Variants in TJP3 observed in about 807,000 individuals in gnomAD.
The protein encoded by TJP3 is tight junction protein ZO-3.
Under a neutral mutation model 104.2 loss-of-function variants are expected in TJP3, and 85 were observed. The ratio of observed to expected loss-of-function variants is 0.82; its 90% CI spans 0.68 to 0.98. The LOEUF (loss-of-function observed/expected upper bound fraction) is 0.98, where lower values mean the gene tolerates loss of function less well. Among genes scored for constraint, TJP3 ranks in the 50% least tolerant of loss-of-function variants. TJP3 has a pLI of 0.00. For missense variants in TJP3, 1,367 were observed against 1,322.8 expected, an observed-to-expected ratio of 1.03 and a Z score of -0.52; for synonymous variants, 550 against 550.6, an observed-to-expected ratio of 1.00 and a Z score of 0.02.
chr19:3,734,573 A>C (rs1599155360), intron 8 of TJP3, 138 bp downstream of exon 8: 4 of 756,906 alleles, frequency 5.3e-6, no homozygotes. Context: ...GCCTCAAAAT[A>C]CCTCCAGCCT....
chr19:3,735,495 G>A (rs1161769886), intron 8 of TJP3, 71 bp from the exon 9 acceptor site: 4 of 1,500,514 alleles, frequency 2.7e-6, no homozygotes, highest in Non-Finnish European at 2.8e-6. Flanking sequence ...CACCGTGCCC[G>A]GCCTAAAATT....
In TJP3 at chr19:3,743,066, T is replaced by A. The variant is rs2036844189; in HGVS notation, c.1844-873T>A. On this transcript the variant is annotated intron_variant, in intron 14 of 20. Coordinates refer to ENST00000541714, the MANE Select transcript of TJP3 (RefSeq NM_001267560.2). Reference sequence around the variant, plus strand: ...GGATCACGAGGTCAGGAGTTCGAGATCAGCTTGACCAACATGGTGAAACCC... The same window carrying A: ...GGATCACGAGGTCAGGAGTTCGAGAACAGCTTGACCAACATGGTGAAACCC... Among the ~76,000 whole-genome samples, 3 of 150,608 alleles carry A rather than the reference T, an allele frequency of 2.0e-5. No homozygotes were observed. The South Asian group carries it at 6.3e-4, about 32-fold the overall frequency.
intron 1 of TJP3, among the ~76,000 whole-genome samples, chr19:3,716,535 C>A (rs757104234): frequency 6.8e-6 from 1 of 147,800 alleles, no homozygotes; most frequent in East Asian, 2.0e-4. Flanking sequence ...AGTGGGCGCA[C>A]GAGTGTTGTG....
chr19:3,744,789 ATGG>A (rs1156244135), intron 15 of TJP3, among the ~76,000 whole-genome samples: 1 of 146,610 alleles, frequency 6.8e-6, no homozygotes, highest in Non-Finnish European at 1.5e-5. Flanking sequence ...TTAGCTGGAC[ATGG>A]TGGCGCATGC....
chr19:3,724,485 G>C (rs1455569336), intron 1 of TJP3, among the ~76,000 whole-genome samples: 1 of 152,174 alleles, frequency 6.6e-6, no homozygotes, highest in Non-Finnish European at 1.5e-5. Flanking sequence ...ATGAGCCACT[G>C]TGCCCGGGCA....
At chr19:3,750,115 C>T (rs752648802) in intron 19 of TJP3, 23 bp from the exon 20 acceptor site, 1 of 1,614,020 alleles carries the variant, frequency 6.2e-7, no homozygotes, top group Non-Finnish European at 8.5e-7. Flanking sequence ...AGTTTTGAAG[C>T]TCCTCTCTCC....
intron 19 of TJP3, among the ~76,000 whole-genome samples, chr19:3,748,848 CTTTTT>C (rs71166925): frequency 1.0e-4 from 5 of 48,838 alleles, no homozygotes; most frequent in Non-Finnish European, 1.8e-4. Flanking sequence ...TGCACCCGGC[CTTTTT>C]TTTTTTTTTT....
chr19:3,716,165 C>T lies in TJP3; in HGVS notation c.-10+7604C>T, dbSNP rs144596839. 2.6e-3 allele frequency among the ~76,000 whole-genome samples: 380 copies of T among 144,312 alleles called. 17 individuals carry two copies. Among genetic ancestry groups the T allele is most frequent in the African/African-American group, 8.8e-3 (357 of 40,354 alleles). The allele number at this position is 144,312 out of a possible 152,430, so 94.7% of individuals were successfully genotyped here. A position where few individuals can be genotyped will look rare whatever the true frequency, so the allele number is the denominator to read the frequency against. ...TCAGATCACTGCGACCTCTGCCTCC[C>T]GGGTTCAAGTGATTCTCCTGCCTCA... On this transcript the variant is annotated intron_variant, in intron 1 of 20. Transcript: ENST00000541714.
chr19:3,747,768 C>A (rs2036919336), intron 18 of TJP3, 26 bp from the exon 19 acceptor site: 2 of 1,532,972 alleles, frequency 1.3e-6, no homozygotes, highest in African/African-American at 1.4e-5. Context: ...CCAGGGCCAG[C>A]CGCAGCATCC....
chr19:3,733,767 T>C lies in TJP3; in HGVS notation c.732T>C (p.Ser244=). 6.2e-7 allele frequency: 1 copy of C among 1,614,194 alleles called. No homozygotes were observed. Among genetic ancestry groups the C allele is most frequent in the Non-Finnish European group, 8.5e-7 (1 of 1,180,008 alleles). The part of the protein sequence containing the change: ...GDLILQINGV[S]SQNLSLNDTR... Reference sequence around the variant, plus strand: ...GTCCCTTTCAGATCAACGGGGTGTCTAGCCAGAACCTGTCACTGAACGACA... The same window carrying C: ...GTCCCTTTCAGATCAACGGGGTGTCCAGCCAGAACCTGTCACTGAACGACA... Residue 244 remains serine (S), a synonymous_variant, in exon 7 of 21, where the codon TCT becomes TCC. Coordinates refer to ENST00000541714, the MANE Select transcript of TJP3 (RefSeq NM_001267560.2).
Position 3,746,874 on chromosome 19 carries a change from C to T in TJP3, c.2320C>T (p.Gln774Ter). The T allele has an allele frequency of 6.2e-7, 1 of 1,601,164 alleles. No individual in the cohort carries two copies. The change falls in exon 18 of 21, where the codon CAG becomes TAG. Residue 774 changes from glutamine to a stop codon, truncating the protein, a stop_gained and splice_region_variant. Coordinates refer to ENST00000541714, the MANE Select transcript of TJP3 (RefSeq NM_001267560.2). LOFTEE classifies it high-confidence loss of function. The surrounding 1 kb of genome is among the most constrained non-coding windows in gnomAD (Gnocchi z 4.1). ...GCGGCCCATCTGGACGGCGGAAGAT[C>T]AGGTACTGCCGCGGTGTGGGTGGGT... ...QTRPIWTAED[Q>*]LDGSLEDNLD...
In TJP3 at chr19:3,746,493, T is replaced by C; in HGVS notation, c.2019T>C (p.His673=). 1.9e-6 allele frequency: 3 copies of C among 1,613,836 alleles called. No individual in the cohort carries two copies. The highest frequency in any genetic ancestry group is 2.5e-6 in the Non-Finnish European group (3 of 1,179,986). Residue 673 remains histidine (H), a synonymous_variant, in exon 17 of 21, where the codon CAT becomes CAC. Transcript: ENST00000541714. The surrounding 1 kb of genome is among the most constrained non-coding windows in gnomAD (Gnocchi z 4.1). ...CCGCCGGCCTGGCCCAGGACAAGCATGCGCTCCTGGATGTGACCCCCTCCG... is the reference window on the plus strand; with the variant it reads ...CCGCCGGCCTGGCCCAGGACAAGCACGCGCTCCTGGATGTGACCCCCTCCG... ...TVRVIAEKDK[H]ALLDVTPSAI... is the part of the protein sequence containing the mutation.
rs191145841 is a variant in TJP3 at position 3,732,579 on chromosome 19, G to A, written c.717+541G>A. On this transcript the variant is annotated intron_variant, in intron 6 of 20. Coordinates refer to ENST00000541714, the MANE Select transcript of TJP3 (RefSeq NM_001267560.2). ...GGCTGGAGTGCAGTGGCGCAATCTC[G>A]GCTCACTGCAACCTCCGCCTCCCAG... is the stretch of plus-strand genomic sequence containing the variant. Among the ~76,000 whole-genome samples, 728 of 151,200 alleles carry A rather than the reference G, an allele frequency of 4.8e-3. 2 individuals carry two copies. Among genetic ancestry groups the A allele is most frequent in the Non-Finnish European group, 8.5e-3 (579 of 67,848 alleles).
intron 20 of TJP3, among the ~76,000 whole-genome samples, 157 bp downstream of exon 20, chr19:3,750,341 G>C (rs1479868869): frequency 6.6e-6 from 1 of 152,110 alleles, no homozygotes; most frequent in Non-Finnish European, 1.5e-5. Flanking sequence ...CATATAATCA[G>C]GGCCAAGGGA....
intron 8 of TJP3, among the ~76,000 whole-genome samples, chr19:3,734,909 G>A (rs1348583831): frequency 2.6e-5 from 4 of 152,136 alleles, no homozygotes; most frequent in Admixed American, 1.3e-4. Flanking sequence ...AGCCGAGATC[G>A]TGTCATTACA....
At chr19:3,720,503 G>C (rs1306773457) in intron 1 of TJP3, among the ~76,000 whole-genome samples, 1 of 152,134 alleles carries the variant, frequency 6.6e-6, no homozygotes, top group Non-Finnish European at 1.5e-5. Context: ...CCACAACCTG[G>C]GACTCCTGTC....
chr19:3,708,861 G>A (rs2036408413), intron 1 of TJP3, among the ~76,000 whole-genome samples: 1 of 152,160 alleles, frequency 6.6e-6, no homozygotes, highest in Non-Finnish European at 1.5e-5. Context: ...GCACAGGTTG[G>A]TCTCTGATCC....
At chr19:3,729,901 A>C (rs1301074929) in intron 3 of TJP3, 127 bp from the exon 4 acceptor site, 1 of 714,686 alleles carries the variant, frequency 1.4e-6, no homozygotes, top group Non-Finnish European at 2.5e-6. Flanking sequence ...GAACCTAGGG[A>C]CACCAATGAA....
Position 3,739,044 on chromosome 19 carries a change from A to G in TJP3, c.1541A>G (p.Gln514Arg). Residue 514 changes from glutamine (Q) to arginine (R), a missense_variant, in exon 13 of 21, where the codon CAG becomes CGG. Transcript: ENST00000541714. ...VLDTLHPGPG[Q>R]SHARGGHWLA... ...GACACGCTGCACCCCGGCCCCGGGC[A>G]GAGCCACGCACGAGGAGGCCACTGG... is the stretch of plus-strand genomic sequence containing the variant. The G allele has an allele frequency of 6.2e-7, 1 of 1,611,002 alleles. No homozygotes were observed. The highest frequency in any genetic ancestry group is 1.1e-5 in the South Asian group (1 of 90,838).
Sources: gnomAD v4.1 joint callset for allele counts (sites outside exome capture counted in the v4.1 genomes callset) on GRCh38, gnomAD v4.1.1 for gene constraint, Gnocchi (gnomAD v3.1) non-coding constraint, MANE v1.5 for transcripts, NCBI Gene and HGNC (gene_info 2026-07-23, HGNC 2026-07-21) for gene names.